TMPRSS9: variants seen among roughly 807,000 people sequenced by gnomAD.
The protein encoded by TMPRSS9 is transmembrane serine protease 9.
Under a neutral mutation model 111.4 loss-of-function variants are expected in TMPRSS9, and 113 were observed. The ratio of observed to expected loss-of-function variants is 1.01; its 90% confidence interval spans 0.87 to 1.19. The LOEUF is 1.19. Among genes scored for constraint, TMPRSS9 ranks in the 50% most tolerant of loss-of-function variants. The pLI is 0.00. For missense variants in TMPRSS9, 1,803 were observed against 1,513.1 expected (o/e 1.19, Z -3.18); for synonymous variants, 805 against 659.1 (o/e 1.22, Z -3.39).
chr19:2,409,139 ATTTT>A (rs534247160), intron 8 of TMPRSS9, among the ~76,000 whole-genome samples: 43 of 131,282 alleles, frequency 3.3e-4, no homozygotes, highest in African/African-American at 1.2e-3. Flanking sequence ...TGCTACTGCG[ATTTT>A]TTTTTTTTTT....
At chr19:2,385,089 G>T (rs987823656), upstream of TMPRSS9, among the ~76,000 whole-genome samples, 1 of 150,866 alleles carries the variant, frequency 6.6e-6, no homozygotes, top group East Asian at 2.0e-4. Context: ...TGAGGCCACC[G>T]TGGCTACCTT....
chr19:2,390,080 G>C (rs868377866), intron 1 of TMPRSS9, among the ~76,000 whole-genome samples, 153 bp downstream of exon 2: 26 of 152,082 alleles, frequency 1.7e-4, no homozygotes, highest in Admixed American at 1.4e-3. Context: ...GCGGGTGGGC[G>C]GGGAGTGGAG....
chr19:2,394,967 A>C (rs950957145), intron 1 of TMPRSS9, among the ~76,000 whole-genome samples: 3 of 152,184 alleles, frequency 2.0e-5, no homozygotes, highest in African/African-American at 7.2e-5. Flanking sequence ...CTTTGGACAC[A>C]ACACAGCCAA....
intron 1 of TMPRSS9, among the ~76,000 whole-genome samples, chr19:2,378,279 A>G (rs777715480): frequency 9.2e-5 from 14 of 152,166 alleles, no homozygotes; most frequent in Non-Finnish European, 1.5e-4. Flanking sequence ...TAGGGTGACA[A>G]CTGTCCTGGT....
At chr19:2,406,166 A>G (rs564030954) in intron 7 of TMPRSS9, among the ~76,000 whole-genome samples, 1 of 148,870 alleles carries the variant, frequency 6.7e-6, no homozygotes, top group Non-Finnish European at 1.5e-5. Context: ...GCCCGCCACC[A>G]CGCCCAGCTA....
At chr19:2,418,164 G>A (rs2145390007) in intron 13 of TMPRSS9, 26 bp downstream of exon 14, 2 of 1,603,648 alleles carry the variant, frequency 1.2e-6, no homozygotes, top group South Asian at 2.2e-5. Flanking sequence ...GGGAAAGCGG[G>A]CAATATTTCC....
intron 1 of TMPRSS9, among the ~76,000 whole-genome samples, chr19:2,392,608 TGAA>T (rs1019442186): frequency 5.9e-5 from 9 of 152,256 alleles, no homozygotes; most frequent in Admixed American, 2.6e-4. Flanking sequence ...AGTGGGGACT[TGAA>T]GAATTGTTAT....
Position 2,424,110 on chromosome 19 carries a change from C to T in TMPRSS9, c.2570C>T (p.Ala857Val), listed in dbSNP as rs549687816. The T allele has an allele frequency of 3.4e-4, 452 of 1,333,614 alleles. No individual in the cohort carries two copies. The highest frequency in any genetic ancestry group is 4.2e-4 in the Non-Finnish European group (435 of 1,038,592). The allele number at this position is 1,333,614 out of a possible 1,614,324, so 82.6% of individuals were successfully genotyped here. ...GCAGACTGTGGCCTGGCGCCGGCCGCGCTCACCAGGATTGTGGGCGGCAGC... is the reference window on the plus strand; with the variant it reads ...GCAGACTGTGGCCTGGCGCCGGCCGTGCTCACCAGGATTGTGGGCGGCAGC... Residue 857 changes from alanine to valine, a missense_variant, in exon 15 of 18, where the codon GCG (alanine) becomes GTG (valine). Coordinates refer to ENST00000648592, the Ensembl canonical transcript of TMPRSS9.
chr19:2,375,686 A>G (rs1243863814), intron 1 of TMPRSS9, among the ~76,000 whole-genome samples: 2 of 152,162 alleles, frequency 1.3e-5, no homozygotes, highest in Non-Finnish European at 2.9e-5. Flanking sequence ...GAGGGAGTAA[A>G]CACTGTGATT....
At chr19:2,409,476 C>T (rs886844766) in intron 8 of TMPRSS9, among the ~76,000 whole-genome samples, 2 of 152,068 alleles carry the variant, frequency 1.3e-5, no homozygotes, top group Non-Finnish European at 2.9e-5. Flanking sequence ...AAATGCACAT[C>T]TAAATAGTCA....
At chr19:2,419,175 C>T (rs1162178541) in intron 13 of TMPRSS9, among the ~76,000 whole-genome samples, 1 of 109,950 alleles carries the variant, frequency 9.1e-6, no homozygotes, top group Admixed American at 9.8e-5. Context: ...TCCTTCCTTT[C>T]CTTTCCTTCT....
At chr19:2,403,903 G>C (rs1362943102) in intron 6 of TMPRSS9, among the ~76,000 whole-genome samples, 1 of 149,808 alleles carries the variant, frequency 6.7e-6, no homozygotes, top group Non-Finnish European at 1.5e-5. Context: ...TGAGGCAGGA[G>C]AATGGCGTGA....
intron 1 of TMPRSS9, among the ~76,000 whole-genome samples, chr19:2,392,377 A>G (rs1055920097): frequency 6.6e-6 from 1 of 151,886 alleles, no homozygotes; most frequent in Admixed American, 6.6e-5. Context: ...TGGGAGACAG[A>G]GTGACACCCT....
chr19:2,370,486 C>T (rs980543755), intron 1 of TMPRSS9, among the ~76,000 whole-genome samples: 53 of 151,306 alleles, frequency 3.5e-4, no homozygotes, highest in African/African-American at 1.2e-3. Context: ...CTACACCATG[C>T]CTGGCTCATT....
chr19:2,410,853 C>G (rs1407902200), intron 9 of TMPRSS9, among the ~76,000 whole-genome samples: 2 of 152,128 alleles, frequency 1.3e-5, no homozygotes, highest in African/African-American at 4.8e-5. Context: ...CAACGTGGCA[C>G]CCAAGAAACA....
chr19:2,378,214 T>C (rs1970354705), intron 1 of TMPRSS9, among the ~76,000 whole-genome samples: 2 of 152,114 alleles, frequency 1.3e-5, no homozygotes, highest in Admixed American at 6.6e-5. Flanking sequence ...GTCTCAGGTA[T>C]TTCTTTACAG....
At chr19:2,393,544 A>G (rs931267924) in intron 1 of TMPRSS9, among the ~76,000 whole-genome samples, 8 of 152,170 alleles carry the variant, frequency 5.3e-5, no homozygotes, top group Non-Finnish European at 1.2e-4. Context: ...CAGTGAGACC[A>G]AGAACCCACG....
At chr19:2,406,679 T>G (rs917154316) in intron 7 of TMPRSS9, among the ~76,000 whole-genome samples, 1 of 151,534 alleles carries the variant, frequency 6.6e-6, no homozygotes, top group African/African-American at 2.4e-5. Context: ...GGGTGTGAAG[T>G]AGCATCTCCC....
intron 1 of TMPRSS9, among the ~76,000 whole-genome samples, chr19:2,395,729 C>A (rs182450243): frequency 5.3e-5 from 8 of 151,396 alleles, no homozygotes. Context: ...ACAAACAGGC[C>A]GGGTGTGGTG....
Sources: allele counts gnomAD v4.1 joint callset (sites outside exome capture counted in the v4.1 genomes callset), GRCh38; gene constraint gnomAD v4.1.1; transcripts MANE v1.5; gene names NCBI Gene and HGNC (gene_info 2026-07-23, HGNC 2026-07-21).